The following ATG4B variants were observed in gnomAD, a reference collection of about 807,000 sequenced individuals.
ATG4B encodes the protein cysteine protease ATG4B.
Under a neutral mutation model 56.6 loss-of-function variants are expected in ATG4B, and 29 were observed. The observed-to-expected ratio is 0.51, with a 90% CI of 0.38 to 0.70. The LOEUF (loss-of-function observed/expected upper bound fraction) is 0.70. ATG4B is among the 30% of genes least tolerant of loss of function. ATG4B has a pLI of 0.00. For synonymous variants in ATG4B, 224 were observed against 206.1 expected, an observed-to-expected ratio of 1.09 and a Z score of -0.74; for missense variants, 461 against 515.5, an observed-to-expected ratio of 0.89 and a Z score of 1.02.
At chr2:241,643,511 A>T (rs1178670478) in intron 1 of ATG4B, among the ~76,000 whole-genome samples, 1 of 149,290 alleles carries the variant, frequency 6.7e-6, no homozygotes, top group Admixed American at 6.7e-5. Flanking sequence ...CTGGCCTTAC[A>T]TGTCATCTTA....
At chr2:241,657,300 T>G (rs866360050) in intron 6 of ATG4B, among the ~76,000 whole-genome samples, 6 of 144,252 alleles carry the variant, frequency 4.2e-5, no homozygotes, top group Admixed American at 1.4e-4. Context: ...CTTTTTTTTT[T>G]TTTTATTTTT....
chr2:241,655,808 G>A (rs893882221), intron 6 of ATG4B, among the ~76,000 whole-genome samples: 5 of 152,242 alleles, frequency 3.3e-5, no homozygotes, highest in African/African-American at 9.6e-5. Context: ...CACCTGCTCC[G>A]CACCGCTTCC....
rs377656386 is a variant in ATG4B at position 241,651,229 on chromosome 2, G to A, written c.113-35G>A. ...GTGACTTGCAAACTTAAGGCGTTGT[G>A]TGTGTGTGTTTTTTTTCTTTTAAAC... On this transcript the variant is annotated intron_variant, in intron 2 of 12. Transcript: ENST00000404914. This position sits in a 1 kb window ranked among gnomAD's most constrained non-coding sequence, Gnocchi z 4.1. 92 of 1,567,114 alleles carry A rather than the reference G, an allele frequency of 5.9e-5. No individual in the cohort carries two copies. The highest frequency in any genetic ancestry group is 7.6e-5 in the Non-Finnish European group (87 of 1,150,938).
At chr2:241,650,534 T>TA (rs2068198463) in intron 1 of ATG4B, among the ~76,000 whole-genome samples, 1 of 152,126 alleles carries the variant, frequency 6.6e-6, no homozygotes, top group African/African-American at 2.4e-5. Flanking sequence ...AAACGACTCT[T>TA]TGCCCTGTTT....
At chr2:241,641,375 C>G (rs927336981) in intron 1 of ATG4B, among the ~76,000 whole-genome samples, 1 of 152,046 alleles carries the variant, frequency 6.6e-6, no homozygotes, top group Admixed American at 6.5e-5. Flanking sequence ...ACGGTGAAAC[C>G]CCGTCGCTAC....
Position 241,668,948 on chromosome 2 carries a change from G to A in ATG4B, c.957+263G>A, listed in dbSNP as rs182080658. 785 of 515,856 alleles carry A rather than the reference G, an allele frequency of 1.5e-3. 7 individuals carry two copies. Among genetic ancestry groups the A allele is most frequent in the African/African-American group, 0.014 (708 of 51,452 alleles). 32.0% of individuals were successfully genotyped at this position (515,856 alleles called of 1,614,324 possible). A position where few individuals can be genotyped will look rare whatever the true frequency, so the allele number is the denominator to read the frequency against. On this transcript the variant is annotated intron_variant, in intron 10 of 12. Transcript: ENST00000404914. The surrounding 1 kb of genome is among the most constrained non-coding windows in gnomAD (Gnocchi z 4.2). ...GTGTGTCTGGATGTGAGCGTGTGTG[G>A]GCGCGTGCTGAGTGTGCATGGATGA... is the stretch of plus-strand genomic sequence containing the variant.
At chr2:241,665,395 C>T (rs565587340) in intron 7 of ATG4B, among the ~76,000 whole-genome samples, 11 of 152,312 alleles carry the variant, frequency 7.2e-5, no homozygotes, top group Admixed American at 2.0e-4. Context: ...CAACCCGTGC[C>T]GCTGATTTGT....
At chr2:241,656,324 C>T (rs1474684704) in intron 6 of ATG4B, among the ~76,000 whole-genome samples, 1 of 152,180 alleles carries the variant, frequency 6.6e-6, no homozygotes, top group Admixed American at 6.5e-5. Flanking sequence ...ACCCCCGTCC[C>T]ACATCCCCAG....
rs760313900 is a variant in ATG4B at position 241,668,613 on chromosome 2, G to T, written c.885G>T (p.Pro295=). Residue 295 remains proline, a synonymous_variant, in exon 10 of 13, where the codon CCG becomes CCT. Transcript: ENST00000404914. The surrounding 1 kb of genome is among the most constrained non-coding windows in gnomAD (Gnocchi z 4.2). ...AGCCCACTGATGGCTGCTTCATCCCGGACGAGAGCTTCCACTGCCAGCACC... is the reference window on the plus strand; with the variant it reads ...AGCCCACTGATGGCTGCTTCATCCCTGACGAGAGCTTCCACTGCCAGCACC... The part of the protein sequence containing the change: ...AVEPTDGCFI[P]DESFHCQHPP... The T allele has an allele frequency of 3.8e-6, 6 of 1,593,416 alleles. No individual in the cohort carries two copies. The Admixed American group carries it at 1.0e-4, about 28-fold the overall frequency.
At chr2:241,657,644 C>T (rs112459348) in intron 6 of ATG4B, among the ~76,000 whole-genome samples, 2 of 151,986 alleles carry the variant, frequency 1.3e-5, no homozygotes, top group Non-Finnish European at 2.9e-5. Context: ...AATATCAATT[C>T]CTCTTTCTTT....
In ATG4B at chr2:241,668,361, C is replaced by T. The variant is rs143008414; in HGVS notation, c.811+140C>T. The T allele has an allele frequency of 2.2e-4, 297 of 1,358,354 alleles. 1 individual carries two copies. In the African/African-American group the frequency reaches 3.7e-3, roughly 17 times the overall value. The allele number at this position is 1,358,354 out of a possible 1,614,324, so 84.1% of individuals were successfully genotyped here. On this transcript the variant is annotated intron_variant, in intron 9 of 12. Coordinates refer to ENST00000404914, the MANE Select transcript of ATG4B (RefSeq NM_013325.5). The surrounding 1 kb of genome is among the most constrained non-coding windows in gnomAD (Gnocchi z 4.2). ...CCCTGGGGTTCATTTTCAGCCTGGTCGCGGGCGGCCTCCTGTGTGCCCCTT... is the reference window on the plus strand; with the variant it reads ...CCCTGGGGTTCATTTTCAGCCTGGTTGCGGGCGGCCTCCTGTGTGCCCCTT...
At chr2:241,665,033 T>C (rs1368432231) in intron 7 of ATG4B, among the ~76,000 whole-genome samples, 1 of 152,154 alleles carries the variant, frequency 6.6e-6, no homozygotes, top group Non-Finnish European at 1.5e-5. Flanking sequence ...GGCGGGAGGA[T>C]TGCTTAAGTG....
At chr2:241,646,622 T>C (rs1167478478) in intron 1 of ATG4B, among the ~76,000 whole-genome samples, 3 of 152,180 alleles carry the variant, frequency 2.0e-5, no homozygotes, top group Admixed American at 6.5e-5. Flanking sequence ...AGATAGCTCC[T>C]CGTCAGCCAC....
rs2068219259 is a variant in ATG4B at position 241,651,206 on chromosome 2, G to C, written c.113-58G>C. On this transcript the variant is annotated intron_variant, in intron 2 of 12. Coordinates refer to ENST00000404914, the MANE Select transcript of ATG4B (RefSeq NM_013325.5). The surrounding 1 kb of genome is among the most constrained non-coding windows in gnomAD (Gnocchi z 4.1). ...CTCTGCTAACTCTGCCATAACTTGT[G>C]ACTTGCAAACTTAAGGCGTTGTGTG... 7 of 1,557,246 alleles carry C rather than the reference G, an allele frequency of 4.5e-6. No individual in the cohort carries two copies. The South Asian group carries it at 7.0e-5, about 16-fold the overall frequency.
At chr2:241,655,088 C>G (rs2068353523) in intron 5 of ATG4B, 183 bp from the exon 6 acceptor site, 1 of 618,332 alleles carries the variant, frequency 1.6e-6, no homozygotes, top group East Asian at 2.7e-5. Context: ...TAGTGAAGGA[C>G]AGTCCCTGAG....
chr2:241,670,492 A>C (rs1003616474), intron 10 of ATG4B: 2 of 595,528 alleles, frequency 3.4e-6, no homozygotes, highest in African/African-American at 1.9e-5. Flanking sequence ...TGGGCGAATC[A>C]AGGCACAGCA....
intron 1 of ATG4B, among the ~76,000 whole-genome samples, 195 bp downstream of exon 1, chr2:241,637,919 C>G (rs1406742031): frequency 6.6e-6 from 1 of 151,326 alleles, no homozygotes; most frequent in East Asian, 1.9e-4. Flanking sequence ...AGGGGGACGG[C>G]GGCGCACTGC....
intron 3 of ATG4B, 100 bp from the exon 4 acceptor site, chr2:241,653,412 T>G (rs1174699145): frequency 1.3e-6 from 2 of 1,551,242 alleles, no homozygotes; most frequent in Non-Finnish European, 1.7e-6. Context: ...AGGGAGTCGG[T>G]GCCTGTGGTG....
intron 7 of ATG4B, among the ~76,000 whole-genome samples, chr2:241,661,498 GGAA>G (rs1559264889): frequency 6.6e-6 from 1 of 152,188 alleles, no homozygotes; most frequent in Non-Finnish European, 1.5e-5. Flanking sequence ...GGACGTCTGA[GGAA>G]GAAGTCCGCA....
Sources: allele counts gnomAD v4.1 joint callset (sites outside exome capture counted in the v4.1 genomes callset), GRCh38; gene constraint gnomAD v4.1.1; non-coding constraint Gnocchi (gnomAD v3.1); transcripts MANE v1.5; gene names NCBI Gene and HGNC (gene_info 2026-07-23, HGNC 2026-07-21).